SIPA1L2: variants seen among roughly 807,000 people sequenced by gnomAD.
SIPA1L2 encodes signal induced proliferation associated 1 like 2, also known as signal-induced proliferation-associated 1-like protein 2.
In SIPA1L2, 56 loss-of-function variants were observed where a neutral mutation model predicts 163.9. The ratio of observed to expected loss-of-function variants is 0.34; its 90% CI spans 0.28 to 0.43. SIPA1L2 has a LOEUF of 0.43. SIPA1L2 is among the 20% of genes least tolerant of loss of function. The pLI, the probability that SIPA1L2 is intolerant of heterozygous loss-of-function variation, is 1.00. For synonymous variants in SIPA1L2, 877 were observed against 865.7 expected (o/e 1.01, Z -0.23); for missense variants, 1,974 against 2,193.5 (o/e 0.90, Z 2.00).
chr1:232,415,819 C>T (rs1022783023), intron 18 of SIPA1L2, 194 bp from the exon 19 acceptor site: 52 of 517,874 alleles, frequency 1.0e-4, no homozygotes, highest in Non-Finnish European at 1.6e-4. Context: ...AGAACACGGG[C>T]ACCACTGTCC....
At chr1:232,436,164 C>A (rs901781361) in intron 15 of SIPA1L2, among the ~76,000 whole-genome samples, 5 of 152,184 alleles carry the variant, frequency 3.3e-5, no homozygotes, top group African/African-American at 1.2e-4. Flanking sequence ...AAGCATTTAT[C>A]AAGCACTTTT....
At chr1:232,489,223 G>C (rs12143749) in intron 5 of SIPA1L2, among the ~76,000 whole-genome samples, 38,103 of 151,868 alleles carry the variant, frequency 0.25, 4,873 homozygotes, top group Admixed American at 0.35. Flanking sequence ...TGGGTGGCAA[G>C]TTCTTTTCAC....
chr1:232,470,668 A>T (rs1360936804), intron 8 of SIPA1L2, among the ~76,000 whole-genome samples: 2 of 152,250 alleles, frequency 1.3e-5, no homozygotes, highest in Non-Finnish European at 2.9e-5. Flanking sequence ...TTTATTCATC[A>T]TAACAACATA....
At chr1:232,402,530 T>C in intron 21 of SIPA1L2, 57 bp from the exon 22 acceptor site, 1 of 1,506,370 alleles carries the variant, frequency 6.6e-7, no homozygotes. Flanking sequence ...GCATTTTTGT[T>C]GGTCAAGTTT....
At chr1:232,447,845 C>T (rs4649373) in intron 10 of SIPA1L2, among the ~76,000 whole-genome samples, 47,759 of 152,080 alleles carry the variant, frequency 0.31, 8,260 homozygotes, top group East Asian at 0.56. Context: ...TAAGCTTTAA[C>T]AGATTAAAAA....
chr1:232,569,050 G>A (rs1303272295), intron 2 of SIPA1L2, among the ~76,000 whole-genome samples: 1 of 151,958 alleles, frequency 6.6e-6, no homozygotes, highest in Non-Finnish European at 1.5e-5. Context: ...GAAATTATTC[G>A]GTAAATATTT....
In SIPA1L2 at chr1:232,514,805, C is replaced by T; in HGVS notation, c.535G>A (p.Ala179Thr). Residue 179 changes from alanine to threonine, a missense_variant, in exon 3 of 23, where the codon GCA becomes ACA. Around this residue, in one of 3 missense-constraint regions of SIPA1L2, gnomAD observed 607 missense variants for 624.0 expected, o/e 0.97. Transcript: ENST00000674635. ...IDAEDVLDQN[A>T]VNPNTGAALH... ...GCAGCCCCGGTGTTGGGGTTGACTG[C>T]ATTTTGGTCTAAGACATCTTCGGCA... 6.2e-7 allele frequency: 1 copy of T among 1,614,196 alleles called. No homozygotes were observed. Among genetic ancestry groups the T allele is most frequent in the Non-Finnish European group, 8.5e-7 (1 of 1,180,038 alleles).
At chr1:232,454,476 T>C (rs1264778258) in intron 10 of SIPA1L2, among the ~76,000 whole-genome samples, 2 of 152,240 alleles carry the variant, frequency 1.3e-5, no homozygotes, top group African/African-American at 4.8e-5. Flanking sequence ...ACTGCTTTGT[T>C]TCTTAGAAAG....
chr1:232,561,158 G>A (rs1659013361), intron 2 of SIPA1L2, among the ~76,000 whole-genome samples: 1 of 152,218 alleles, frequency 6.6e-6, no homozygotes, highest in Non-Finnish European at 1.5e-5. Context: ...GACAAAGTCA[G>A]TCAAACAATG....
chr1:232,445,762 G>T lies in SIPA1L2; in HGVS notation c.3120C>A (p.Ile1040=). 6.2e-7 allele frequency: 1 copy of T among 1,613,498 alleles called. No homozygotes were observed. The part of the protein sequence containing the change: ...PRRGCSELCR[I]PMVEYKLDSE... ...TGTCGAGTTTATATTCCACCATAGG[G>T]ATCCGGCAGAGCTCTGAACACCCTC... Residue 1040 remains isoleucine (I), a synonymous_variant, in exon 11 of 23, where the codon ATC becomes ATA. Coordinates refer to ENST00000674635, the MANE Select transcript of SIPA1L2 (RefSeq NM_020808.5).
intron 9 of SIPA1L2, among the ~76,000 whole-genome samples, chr1:232,463,243 G>A (rs1664333065): frequency 6.6e-6 from 1 of 152,160 alleles, no homozygotes; most frequent in Non-Finnish European, 1.5e-5. Flanking sequence ...ACTGTTACCT[G>A]CAAGACAGAC....
Position 232,506,119 on chromosome 1 carries a change from C to T in SIPA1L2, c.1483+7738G>A, listed in dbSNP as rs141040064. On this transcript the variant is annotated intron_variant, in intron 3 of 22. Transcript: ENST00000674635. The stretch of plus-strand genomic sequence containing the variant: ...ACTTCACCAGACACCTTTCCCCAGC[C>T]CTCTCTGCCATATGGTTCTACTTGT... 1.3e-3 allele frequency among the ~76,000 whole-genome samples: 204 copies of T among 152,230 alleles called. No individual in the cohort carries two copies. The Middle Eastern group carries it at 0.02, about 15-fold the overall frequency.
At chr1:232,496,568 A>G (rs1666203450) in intron 3 of SIPA1L2, among the ~76,000 whole-genome samples, 1 of 145,608 alleles carries the variant, frequency 6.9e-6, no homozygotes, top group Admixed American at 7.3e-5. Flanking sequence ...GGCAAAAAAA[A>G]AAAAAAAGAT....
chr1:232,551,219 A>T (rs1026481388), intron 2 of SIPA1L2, among the ~76,000 whole-genome samples: 3 of 152,234 alleles, frequency 2.0e-5, no homozygotes, highest in African/African-American at 7.2e-5. Flanking sequence ...ACCAAAAAAC[A>T]AAAACCACAA....
Position 232,603,197 on chromosome 1 carries a change from G to C in SIPA1L2, c.-319+26672C>G, listed in dbSNP as rs537481492. Among the ~76,000 whole-genome samples, 14 of 152,276 alleles carry C rather than the reference G, an allele frequency of 9.2e-5. No individual in the cohort carries two copies. In the South Asian group the frequency reaches 2.7e-3, roughly 29 times the overall value. On this transcript the variant is annotated intron_variant, in intron 1 of 22. Transcript: ENST00000674635. ...AAAGAACAGAGTGCAACAGAGATCT[G>C]GGGGGAAGACAACAGATCCGGAAAG...
In SIPA1L2 at chr1:232,611,954, T is replaced by C. The variant is rs545224087; in HGVS notation, c.-319+17915A>G. Among the ~76,000 whole-genome samples the C allele has an allele frequency of 1.9e-3, 294 of 152,308 alleles. 2 individuals carry two copies. The highest frequency in any genetic ancestry group is 6.4e-3 in the African/African-American group (266 of 41,580). On this transcript the variant is annotated intron_variant, in intron 1 of 22. Coordinates refer to ENST00000674635, the MANE Select transcript of SIPA1L2 (RefSeq NM_020808.5). ...AGAAACCTAGGAGAAAATGGTTTCA[T>C]GGGCCAGGCCCAGGGTTCCTGTGCC... is the stretch of plus-strand genomic sequence containing the variant.
rs200483120 is a variant in SIPA1L2, at chr1:232,425,627, G to A, written c.4592C>T (p.Pro1531Leu). The change falls in exon 18 of 23, where the codon CCG becomes CTG. Residue 1531 changes from proline (P) to leucine (L), a missense_variant. By Grantham distance (98) the Pro-to-Leu change is moderately conservative (BLOSUM62 -3). This residue lies in a region of SIPA1L2 where 1,079 missense variants were observed against 1,150.7 expected (regional missense o/e 0.94). Coordinates refer to ENST00000674635, the MANE Select transcript of SIPA1L2 (RefSeq NM_020808.5). ...CATGCTGGGTGCGGGGTGGGCCCGCGGAGGCAGCGTGCTGTGGTAGGGTGG... is the reference window on the plus strand; with the variant it reads ...CATGCTGGGTGCGGGGTGGGCCCGCAGAGGCAGCGTGCTGTGGTAGGGTGG... ...TTPPYHSTLP[P>L]RAHPAPSMGS... 1.7e-5 allele frequency: 27 copies of A among 1,609,866 alleles called. No individual in the cohort carries two copies. Among genetic ancestry groups the A allele is most frequent in the Admixed American group, 1.2e-4 (7 of 59,706 alleles).
At chr1:232,441,655 T>G in intron 13 of SIPA1L2, 113 bp downstream of exon 13, 1 of 937,326 alleles carries the variant, frequency 1.1e-6, no homozygotes, top group Non-Finnish European at 1.7e-6. Context: ...CACCTCAACT[T>G]GGTGCACATA....
At chr1:232,440,422 T>A (rs904426152) in intron 14 of SIPA1L2, among the ~76,000 whole-genome samples, 2 of 152,198 alleles carry the variant, frequency 1.3e-5, no homozygotes, top group Non-Finnish European at 2.9e-5. Context: ...CATCATACAC[T>A]GATATTCTCA....
Sources: allele counts gnomAD v4.1 joint callset (sites outside exome capture counted in the v4.1 genomes callset), GRCh38; gene constraint gnomAD v4.1.1; regional missense constraint gnomAD v4.1.1; transcripts MANE v1.5; gene names NCBI Gene and HGNC (gene_info 2026-07-23, HGNC 2026-07-21).